The following COMMD10 variants were observed in gnomAD, a reference collection of about 807,000 sequenced individuals.
COMMD10 encodes COMM domain-containing protein 10.
A neutral mutation model predicts 28.9 loss-of-function variants in COMMD10; 33 were observed. That is an observed-to-expected ratio of 1.14 (90% CI 0.87 to 1.53). The LOEUF (loss-of-function observed/expected upper bound fraction) is 1.53. COMMD10 is among the 40% of genes most tolerant of loss of function. The probability of loss-of-function intolerance (pLI) is 0.00; values close to 1 mark genes in which losing one functional copy is unlikely to be tolerated. For synonymous variants in COMMD10, 110 were observed against 81.7 expected, an observed-to-expected ratio of 1.35 and a Z score of -1.87; for missense variants, 310 against 233.4, an observed-to-expected ratio of 1.33 and a Z score of -2.14.
At position 116,134,084 on chromosome 5, in the gene COMMD10, G is replaced by A. The variant is rs1463571885; in HGVS notation, c.416G>A (p.Trp139Ter). The part of the protein sequence containing the change: ...LAPCKLETVG[W>*]QLNLQMAHSA... Reference sequence around the variant, plus strand: ...CTTTTATAGCTAGAGACCGTTGGATGGCAGCTTAACCTTCAGATGGCTCAC... The same window carrying A: ...CTTTTATAGCTAGAGACCGTTGGATAGCAGCTTAACCTTCAGATGGCTCAC... Residue 139 changes from tryptophan (W) to a stop codon, truncating the protein, a stop_gained, in exon 5 of 7, where the codon TGG becomes TAG. Transcript: ENST00000274458. LOFTEE classifies it high-confidence loss of function. 6.2e-7 allele frequency: 1 copy of A among 1,602,292 alleles called. No homozygotes were observed. The highest frequency in any genetic ancestry group is 1.7e-5 in the Admixed American group (1 of 59,996).
At chr5:116,103,949 A>C (rs904716358) in intron 4 of COMMD10, among the ~76,000 whole-genome samples, 1 of 152,200 alleles carries the variant, frequency 6.6e-6, no homozygotes, top group Non-Finnish European at 1.5e-5. Context: ...GTCAAAGGTC[A>C]GATGGTTGTA....
At chr5:116,199,457 T>C (rs1393192462) in intron 5 of COMMD10, among the ~76,000 whole-genome samples, 1 of 152,176 alleles carries the variant, frequency 6.6e-6, no homozygotes, top group African/African-American at 2.4e-5. Flanking sequence ...ATTTTTTGTT[T>C]TTAATTTAAT....
chr5:116,183,477 G>T (rs137909118), intron 5 of COMMD10, among the ~76,000 whole-genome samples: 1 of 152,016 alleles, frequency 6.6e-6, no homozygotes, highest in African/African-American at 2.4e-5. Flanking sequence ...GTATCCAAGG[G>T]ACTGTTAGGA....
chr5:116,264,236 C>T (rs904861847), intron 5 of COMMD10, among the ~76,000 whole-genome samples: 8 of 151,732 alleles, frequency 5.3e-5, no homozygotes, highest in African/African-American at 1.9e-4. Flanking sequence ...GGCCTTGGTG[C>T]TGGGGGAAGA....
chr5:116,096,599 T>C (rs993493936), intron 4 of COMMD10, among the ~76,000 whole-genome samples: 7 of 152,166 alleles, frequency 4.6e-5, no homozygotes, highest in African/African-American at 1.7e-4. Context: ...TTTATTTTAC[T>C]GACAAGGACT....
chr5:116,093,044 T>G (rs1487313746), intron 4 of COMMD10, among the ~76,000 whole-genome samples: 1 of 152,200 alleles, frequency 6.6e-6, no homozygotes, highest in African/African-American at 2.4e-5. Flanking sequence ...TGAAGTATAG[T>G]TTTTGCTGAA....
intron 4 of COMMD10, among the ~76,000 whole-genome samples, chr5:116,096,371 T>C (rs997018891): frequency 1.3e-5 from 2 of 151,884 alleles, no homozygotes; most frequent in African/African-American, 4.8e-5. Context: ...GGTAGTATTT[T>C]TCAAATTTTG....
chr5:116,091,873 A>G (rs1014316381), intron 3 of COMMD10, among the ~76,000 whole-genome samples: 1 of 152,232 alleles, frequency 6.6e-6, no homozygotes, highest in Admixed American at 6.5e-5. Flanking sequence ...AAAAGTTTAA[A>G]TAGTTTTGTA....
intron 5 of COMMD10, among the ~76,000 whole-genome samples, chr5:116,180,510 A>T (rs967288726): frequency 1.1e-4 from 17 of 152,080 alleles, no homozygotes; most frequent in African/African-American, 4.1e-4. Flanking sequence ...ACATAATTTT[A>T]AGTGCCTCAT....
intron 4 of COMMD10, among the ~76,000 whole-genome samples, chr5:116,118,444 A>G (rs1751312741): frequency 7.4e-6 from 1 of 135,778 alleles, no homozygotes. Flanking sequence ...TGCATGTGCA[A>G]TATTCCATCC....
At chr5:116,162,889 G>C (rs1012976201) in intron 5 of COMMD10, among the ~76,000 whole-genome samples, 2 of 151,984 alleles carry the variant, frequency 1.3e-5, no homozygotes, top group South Asian at 2.1e-4. Flanking sequence ...AAAATTATCA[G>C]ATATTCAGAG....
chr5:116,227,879 C>T (rs17139198), intron 5 of COMMD10, among the ~76,000 whole-genome samples: 12,066 of 152,058 alleles, frequency 0.079, 984 homozygotes, highest in African/African-American at 0.2. Flanking sequence ...GACATCGTGT[C>T]TAGGTAAAAT....
chr5:116,251,261 T>C (rs1018363114), intron 5 of COMMD10, among the ~76,000 whole-genome samples: 5 of 126,358 alleles, frequency 4.0e-5, no homozygotes, highest in Non-Finnish European at 8.7e-5. Flanking sequence ...AGCAGACTCT[T>C]TTCTTTTTAT....
At chr5:116,266,672 A>T (rs1050910915) in intron 5 of COMMD10, among the ~76,000 whole-genome samples, 2 of 151,794 alleles carry the variant, frequency 1.3e-5, no homozygotes, top group Non-Finnish European at 2.9e-5. Context: ...ATTATCCCTG[A>T]TGAACATCGA....
chr5:116,209,018 T>G (rs561263363), intron 5 of COMMD10, among the ~76,000 whole-genome samples: 1 of 152,144 alleles, frequency 6.6e-6, no homozygotes, highest in Non-Finnish European at 1.5e-5. Context: ...TCTGTCTCTC[T>G]TTTCTTTGTT....
chr5:116,166,162 G>GATAATA (rs376216510), intron 5 of COMMD10, among the ~76,000 whole-genome samples: 47,176 of 151,986 alleles, frequency 0.31, 10,242 homozygotes, highest in African/African-American at 0.62. Flanking sequence ...GTCAAATGGC[G>GATAATA]ATAGTTGTTC....
At chr5:116,239,800 G>A (rs761027390) in intron 5 of COMMD10, among the ~76,000 whole-genome samples, 4 of 152,126 alleles carry the variant, frequency 2.6e-5, no homozygotes, top group Admixed American at 6.6e-5. Context: ...TCCTGTTCTC[G>A]CAGAGTTTAC....
intron 4 of COMMD10, among the ~76,000 whole-genome samples, chr5:116,114,907 T>C (rs1751179996): frequency 6.6e-6 from 1 of 152,066 alleles, no homozygotes; most frequent in Non-Finnish European, 1.5e-5. Flanking sequence ...CTTATTCTGC[T>C]CACATCTTGG....
chr5:116,111,336 C>T (rs1375826648), intron 4 of COMMD10, among the ~76,000 whole-genome samples: 1 of 149,716 alleles, frequency 6.7e-6, no homozygotes, highest in Admixed American at 6.7e-5. Flanking sequence ...TCTTGCTTTT[C>T]TAGTTCCTTT....
Sources: gnomAD v4.1 joint callset for allele counts (sites outside exome capture counted in the v4.1 genomes callset) on GRCh38, gnomAD v4.1.1 for gene constraint, MANE v1.5 for transcripts, NCBI Gene and HGNC (gene_info 2026-07-23, HGNC 2026-07-21) for gene names.